Variants in DISP2 observed in about 807,000 individuals in gnomAD.
DISP2 encodes the protein dispatched RND transporter family member 2.
A neutral mutation model predicts 95.5 loss-of-function variants in DISP2; 59 were observed. That is an observed-to-expected ratio of 0.62 (90% CI 0.50 to 0.77). DISP2 has a LOEUF of 0.77. DISP2 is among the 30% of genes least tolerant of loss of function. The probability of loss-of-function intolerance (pLI) is 0.00; values close to 1 mark genes in which losing one functional copy is unlikely to be tolerated. For missense variants in DISP2, 1,752 were observed against 1,854.6 expected (o/e 0.94, Z 1.02); for synonymous variants, 827 against 815.0 (o/e 1.01, Z -0.25).
rs1198317254 is a variant in DISP2, at chr15:40,358,251, G to GCCA, written c.-68_-66dup. On this transcript the variant is annotated 5_prime_UTR_variant, in exon 1 of 8. Transcript: ENST00000267889. ...CGAGCACCCCGCCGCCGCTGCCGCC[G>GCCA]CCACCGCCGCCGCCGCCGCCGCCGC... 1.2e-5 allele frequency: 13 copies of GCCA among 1,087,190 alleles called. No homozygotes were observed. The highest frequency in any genetic ancestry group is 4.4e-5 in the East Asian group (1 of 22,706). The allele number at this position is 1,087,190 out of a possible 1,614,324, so 67.3% of individuals were successfully genotyped here. A position where few individuals can be genotyped will look rare whatever the true frequency, so the allele number is the denominator to read the frequency against.
At chr15:40,362,374 C>A (rs1889419158) in intron 1 of DISP2, among the ~76,000 whole-genome samples, 1 of 152,222 alleles carries the variant, frequency 6.6e-6, no homozygotes, top group South Asian at 2.1e-4. Flanking sequence ...TAACACCTCC[C>A]AACTACTGTG....
At position 40,374,014 on chromosome 15, in the gene DISP2, A is replaced by AAAAAAAAAAAAAAAAAT; in HGVS notation, c.*3697_*3698insAAAAAAAAAAAAAAATA. The AAAAAAAAAAAAAAAAAT allele has an allele frequency of 9.6e-6, 1 of 104,196 alleles. No individual in the cohort carries two copies. Among genetic ancestry groups the AAAAAAAAAAAAAAAAAT allele is most frequent in the African/African-American group, 4.2e-5 (1 of 23,942 alleles). The allele number at this position is 104,196 out of a possible 1,614,324, so 6.5% of individuals were successfully genotyped here. On this transcript the variant is annotated 3_prime_UTR_variant, in exon 8 of 8. Transcript: ENST00000267889. ...GCGAGACTCCATCTTAAAAAAAAAAAATATATATATATATATATGTAAACT... is the reference window on the plus strand; with the variant it reads ...GCGAGACTCCATCTTAAAAAAAAAAAAAAAAAAAAAAAAAAATATATATATATATATATATGTAAACT...
In DISP2 at chr15:40,374,119, C is replaced by T. The variant is rs756435855; in HGVS notation, c.*3801C>T. Reference sequence around the variant, plus strand: ...GGACTTTTAGAGTGACAGTGTTAGACAGACTGATTTTATTGGCTGAATCTT... The same window carrying T: ...GGACTTTTAGAGTGACAGTGTTAGATAGACTGATTTTATTGGCTGAATCTT... On this transcript the variant is annotated 3_prime_UTR_variant, in exon 8 of 8. Transcript: ENST00000267889. 13 of 150,546 alleles carry T rather than the reference C, an allele frequency of 8.6e-5. No homozygotes were observed. Among genetic ancestry groups the T allele is most frequent in the Admixed American group, 1.3e-4 (2 of 15,118 alleles). The allele number at this position is 150,546 out of a possible 1,614,324, so 9.3% of individuals were successfully genotyped here.
chr15:40,362,926 A>T (rs1036356035), intron 1 of DISP2, among the ~76,000 whole-genome samples: 2 of 152,214 alleles, frequency 1.3e-5, no homozygotes, highest in Non-Finnish European at 2.9e-5. Context: ...ACTGGGTTTG[A>T]GTACCAGCTC....
Position 40,364,917 on chromosome 15 carries a change from A to G in DISP2, c.683A>G (p.Lys228Arg). ...CTACAAGCCCTCACAGGCCCCAGGA[A>G]GCTGCTTTTCCTTTCCCCAGACCTT... ...RALQALTGPR[K>R]LLFLSPDLEL... Residue 228 changes from lysine (K) to arginine (R), a missense_variant, in exon 5 of 8, where the codon AAG (lysine) becomes AGG (arginine). By Grantham distance (26) the Lys-to-Arg change is conservative. Around this residue, in one of 5 missense-constraint regions of DISP2, gnomAD observed 342 missense variants for 364.3 expected, o/e 0.94. Coordinates refer to ENST00000267889, the MANE Select transcript of DISP2 (RefSeq NM_033510.3). 6.2e-7 allele frequency: 1 copy of G among 1,614,178 alleles called. No individual in the cohort carries two copies. Among genetic ancestry groups the G allele is most frequent in the Non-Finnish European group, 8.5e-7 (1 of 1,180,012 alleles).
Position 40,373,267 on chromosome 15 carries a change from A to G in DISP2, c.*2949A>G, listed in dbSNP as rs1436424349. On this transcript the variant is annotated 3_prime_UTR_variant, in exon 8 of 8. Transcript: ENST00000267889. ...TCAAAGCACTTATGCTTGCCCTGCA[A>G]AATTCAAGAAATGATTTCTCCCCAC... 6.6e-6 allele frequency: 1 copy of G among 152,236 alleles called. No individual in the cohort carries two copies. Among genetic ancestry groups the G allele is most frequent in the African/African-American group, 2.4e-5 (1 of 41,444 alleles). The allele number at this position is 152,236 out of a possible 1,614,324, so 9.4% of individuals were successfully genotyped here.
Position 40,367,311 on chromosome 15 carries a change from C to T in DISP2, c.1199C>T (p.Thr400Ile). The change falls in exon 8 of 8, where the codon ACC becomes ATC. Residue 400 changes from threonine to isoleucine, a missense_variant. By Grantham distance (89) the Thr-to-Ile change is moderately conservative. Transcript: ENST00000267889. ...TCCCCACGCTGTGCCCAGGTTCCCA[C>T]CAAGTGCTCCCAGAGTAGTGCCATC... ...NKSPRCAQVP[T>I]KCSQSSAIYQ... The T allele has an allele frequency of 6.2e-7, 1 of 1,613,730 alleles. No individual in the cohort carries two copies. The highest frequency in any genetic ancestry group is 1.1e-5 in the South Asian group (1 of 91,048).
chr15:40,367,445 G>T lies in DISP2; in HGVS notation c.1333G>T (p.Gly445Cys). Residue 445 changes from glycine (G) to cysteine (C), a missense_variant, in exon 8 of 8, where the codon GGT becomes TGT. Coordinates refer to ENST00000267889, the MANE Select transcript of DISP2 (RefSeq NM_033510.3). ...CCTGCTCTTCCTGCCCACCCCAAAG[G>T]GTGCTTCCCTCATGGACATCTACCT... The part of the protein sequence containing the change: ...YSLLFLPTPK[G>C]ASLMDIYLDR... The T allele has an allele frequency of 6.2e-7, 1 of 1,613,572 alleles. No homozygotes were observed. Among genetic ancestry groups the T allele is most frequent in the Non-Finnish European group, 8.5e-7 (1 of 1,179,960 alleles).
intron 1 of DISP2, among the ~76,000 whole-genome samples, chr15:40,358,867 G>T (rs1889363542): frequency 6.6e-6 from 1 of 152,254 alleles, no homozygotes; most frequent in Non-Finnish European, 1.5e-5. Context: ...CGCCAAGGCG[G>T]GTGTCCTGGG....
chr15:40,366,846 G>A (rs1889504062), intron 7 of DISP2, among the ~76,000 whole-genome samples: 1 of 152,202 alleles, frequency 6.6e-6, no homozygotes, highest in Admixed American at 6.5e-5. Flanking sequence ...CATCCCTGAG[G>A]CTCCTCTTTG....
chr15:40,366,952 G>A lies in DISP2; in HGVS notation c.946-106G>A, dbSNP rs902477711. The A allele has an allele frequency of 1.5e-5, 21 of 1,428,514 alleles. No homozygotes were observed. In the Middle Eastern group the frequency reaches 5.5e-4, roughly 38 times the overall value. 88.5% of individuals were successfully genotyped at this position (1,428,514 alleles called of 1,614,324 possible). A position where few individuals can be genotyped will look rare whatever the true frequency, so the allele number is the denominator to read the frequency against. On this transcript the variant is annotated intron_variant, in intron 7 of 7. Coordinates refer to ENST00000267889, the MANE Select transcript of DISP2 (RefSeq NM_033510.3). ...CCAGGCTGTCAAGATCCCTCTCTGC[G>A]CTTGCCCTGTAGTGTGAAAGGAGAT... is the stretch of plus-strand genomic sequence containing the variant.
At position 40,367,718 on chromosome 15, in the gene DISP2, C is replaced by T. The variant is rs370704368; in HGVS notation, c.1606C>T (p.Arg536Cys). 5 of 1,613,500 alleles carry T rather than the reference C, an allele frequency of 3.1e-6. No individual in the cohort carries two copies. Among genetic ancestry groups the T allele is most frequent in the Admixed American group, 3.3e-5 (2 of 60,020 alleles). The stretch of plus-strand genomic sequence containing the variant: ...CTTCTTCCTTTACCAGGTGGCCTTC[C>T]GCATGGCCTACTTCCCCTTCGTCAA... ...VAFFLYQVAF[R>C]MAYFPFVNLA... Residue 536 changes from arginine to cysteine, a missense_variant, in exon 8 of 8, where the codon CGC becomes TGC. Transcript: ENST00000267889.
chr15:40,363,109 C>T (rs1889431324), intron 1 of DISP2, among the ~76,000 whole-genome samples: 1 of 151,288 alleles, frequency 6.6e-6, no homozygotes, highest in African/African-American at 2.4e-5. Context: ...CAAGACCATC[C>T]TGACTAACAC....
In DISP2 at chr15:40,367,329, G is replaced by C. The variant is rs1280041779; in HGVS notation, c.1217G>C (p.Ser406Thr). The C allele has an allele frequency of 6.2e-7, 1 of 1,613,644 alleles. No homozygotes were observed. Among genetic ancestry groups the C allele is most frequent in the South Asian group, 1.1e-5 (1 of 91,036 alleles). ...GTTCCCACCAAGTGCTCCCAGAGTA[G>C]TGCCATCTACCAACTCCTGCACTTT... ...AQVPTKCSQSSAIYQLLHFLL... is the reference protein window; with the variant it reads ...AQVPTKCSQSTAIYQLLHFLL... The change falls in exon 8 of 8, where the codon AGT (serine) becomes ACT (threonine). Residue 406 changes from serine (S) to threonine (T), a missense_variant. Around this residue, in one of 5 missense-constraint regions of DISP2, gnomAD observed 732 missense variants for 714.6 expected, o/e 1.02. Coordinates refer to ENST00000267889, the MANE Select transcript of DISP2 (RefSeq NM_033510.3).
chr15:40,372,101 G>A lies in DISP2; in HGVS notation c.*1783G>A, dbSNP rs1241383222. ...CTCTTTCTTCAAAGAAGCTCTGTGT[G>A]GAAAAACAATATATAAAACAGGTAA... On this transcript the variant is annotated 3_prime_UTR_variant, in exon 8 of 8. Transcript: ENST00000267889. The A allele has an allele frequency of 1.3e-5, 2 of 152,106 alleles. No individual in the cohort carries two copies. Among genetic ancestry groups the A allele is most frequent in the South Asian group, 4.2e-4 (2 of 4,816 alleles). 9.4% of individuals were successfully genotyped at this position (152,106 alleles called of 1,614,324 possible).
Position 40,368,411 on chromosome 15 carries a change from G to A in DISP2, c.2299G>A (p.Gly767Ser). The change falls in exon 8 of 8, where the codon GGC (glycine) becomes AGC (serine). Residue 767 changes from glycine (G) to serine (S), a missense_variant. Coordinates refer to ENST00000267889, the MANE Select transcript of DISP2 (RefSeq NM_033510.3). ...FLFEQLPQGEGGHMPVVLVWG... is the reference protein window; with the variant it reads ...FLFEQLPQGESGHMPVVLVWG... ...GTTCGAGCAGCTGCCGCAGGGCGAG[G>A]GCGGCCACATGCCCGTGGTTTTGGT... is the stretch of plus-strand genomic sequence containing the variant. 1.2e-6 allele frequency: 2 copies of A among 1,608,872 alleles called. No individual in the cohort carries two copies. The highest frequency in any genetic ancestry group is 1.7e-6 in the Non-Finnish European group (2 of 1,179,848).
Position 40,368,910 on chromosome 15 carries a change from C to T in DISP2, c.2798C>T (p.Ala933Val), listed in dbSNP as rs1245827218. 1.1e-5 allele frequency: 18 copies of T among 1,613,738 alleles called. No individual in the cohort carries two copies. Among genetic ancestry groups the T allele is most frequent in the East Asian group, 2.2e-5 (1 of 44,900 alleles). Residue 933 changes from alanine to valine, a missense_variant, in exon 8 of 8, where the codon GCG becomes GTG. Ala to Val is a moderately conservative substitution (Grantham distance 64). Coordinates refer to ENST00000267889, the MANE Select transcript of DISP2 (RefSeq NM_033510.3). Reference sequence around the variant, plus strand: ...AATGAGGTCAGCCACTGGCTGGCAGCGGAGCTGGGCATGGCACCTCCAGGC... The same window carrying T: ...AATGAGGTCAGCCACTGGCTGGCAGTGGAGCTGGGCATGGCACCTCCAGGC... ...FYNEVSHWLA[A>V]ELGMAPPGLR... is the part of the protein sequence containing the mutation.
In DISP2 at chr15:40,373,611, G is replaced by A. The variant is rs1257214406; in HGVS notation, c.*3293G>A. 2.0e-5 allele frequency: 3 copies of A among 152,198 alleles called. No individual in the cohort carries two copies. Among genetic ancestry groups the A allele is most frequent in the African/African-American group, 7.2e-5 (3 of 41,426 alleles). The allele number at this position is 152,198 out of a possible 1,614,324, so 9.4% of individuals were successfully genotyped here. ...CCTAGCTACCCAGGAGGCTGAGGCAGGAAAATCATTTGAACCCGGGATGCA... is the reference window on the plus strand; with the variant it reads ...CCTAGCTACCCAGGAGGCTGAGGCAAGAAAATCATTTGAACCCGGGATGCA... On this transcript the variant is annotated 3_prime_UTR_variant, in exon 8 of 8. Transcript: ENST00000267889.
At chr15:40,365,073 G>A (rs1245270122) in intron 5 of DISP2, 74 bp from the exon 6 acceptor site, 4 of 1,589,204 alleles carry the variant, frequency 2.5e-6, no homozygotes, top group Admixed American at 1.7e-5. Flanking sequence ...AAGGCTCCCT[G>A]GGGAGTGGTC....
Sources: allele counts gnomAD v4.1 joint callset (sites outside exome capture counted in the v4.1 genomes callset), GRCh38; gene constraint gnomAD v4.1.1; regional missense constraint gnomAD v4.1.1; transcripts MANE v1.5; gene names NCBI Gene and HGNC (gene_info 2026-07-23, HGNC 2026-07-21).